BLM: variants seen among roughly 807,000 people sequenced by gnomAD.
BLM encodes BLM RecQ like helicase, also known as recQ-like DNA helicase BLM.
In BLM, 95 loss-of-function variants were observed where a neutral mutation model predicts 135.3. The ratio of observed to expected loss-of-function variants is 0.70; its 90% CI spans 0.59 to 0.83. The LOEUF (loss-of-function observed/expected upper bound fraction) is 0.83, where lower values mean the gene tolerates loss of function less well. BLM is among the 40% of genes least tolerant of loss of function. The pLI is 0.00. For missense variants in BLM, 1,518 were observed against 1,663.9 expected, an observed-to-expected ratio of 0.91 and a Z score of 1.53; for synonymous variants, 520 against 589.2, an observed-to-expected ratio of 0.88 and a Z score of 1.70.
chr15:90,728,072 C>T (rs1432455876), intron 1 of BLM, among the ~76,000 whole-genome samples: 1 of 152,132 alleles, frequency 6.6e-6, no homozygotes, highest in Non-Finnish European at 1.5e-5. Context: ...GGGTCTTGCT[C>T]TCTCACCCAG....
At chr15:90,762,914 A>G (rs942465625) in intron 7 of BLM, 52 bp from the exon 8 acceptor site, 80 of 1,515,048 alleles carry the variant, frequency 5.3e-5, no homozygotes, top group Non-Finnish European at 6.7e-5. Flanking sequence ...CTAAAGCTGT[A>G]CTTTCACTGT....
chr15:90,808,485 C>A (rs1897329222), intron 19 of BLM, among the ~76,000 whole-genome samples: 1 of 152,234 alleles, frequency 6.6e-6, no homozygotes, highest in Non-Finnish European at 1.5e-5. Context: ...CCTGCAATGG[C>A]TTCCACCAGG....
chr15:90,747,598 C>A, intron 2 of BLM, 108 bp downstream of exon 2: 1 of 767,124 alleles, frequency 1.3e-6, no homozygotes, highest in Non-Finnish European at 2.3e-6. Flanking sequence ...GGAAATGAAG[C>A]TGAGAGATTC....
chr15:90,815,791 T>C lies in BLM; in HGVS notation c.*512T>C, dbSNP rs2029901136. 6.2e-6 allele frequency: 1 copy of C among 160,144 alleles called. No individual in the cohort carries two copies. Among genetic ancestry groups the C allele is most frequent in the Non-Finnish European group, 1.4e-5 (1 of 73,578 alleles). 9.9% of individuals were successfully genotyped at this position (160,144 alleles called of 1,614,324 possible). A position where few individuals can be genotyped will look rare whatever the true frequency, so the allele number is the denominator to read the frequency against. On this transcript the variant is annotated 3_prime_UTR_variant, in exon 22 of 22. Coordinates refer to ENST00000355112, the MANE Select transcript of BLM (RefSeq NM_000057.4). The surrounding 1 kb of genome is among the most constrained non-coding windows in gnomAD (Gnocchi z 4.6). The stretch of plus-strand genomic sequence containing the variant: ...CTAGTCTCAGAAGAAGAAATACACA[T>C]GCTCATGGCCCGGCACTGTGGCTCA...
At chr15:90,742,605 TC>T (rs1474264318) in intron 1 of BLM, among the ~76,000 whole-genome samples, 2 of 151,992 alleles carry the variant, frequency 1.3e-5, no homozygotes, top group Admixed American at 1.3e-4. Flanking sequence ...TCTCTCTCTC[TC>T]TTTTTTTTTT....
chr15:90,723,187 TTGCCC>T (rs982158722), intron 1 of BLM, among the ~76,000 whole-genome samples: 1 of 152,106 alleles, frequency 6.6e-6, no homozygotes, highest in Non-Finnish European at 1.5e-5. Context: ...TCTTCATAGT[TTGCCC>T]TGATCTATAC....
In BLM at chr15:90,769,420, A is replaced by AT. The variant is rs747699258; in HGVS notation, c.2407-9dup. The AT allele has an allele frequency of 1.0e-4, 161 of 1,604,742 alleles. No individual in the cohort carries two copies. The highest frequency in any genetic ancestry group is 7.2e-4 in the Admixed American group (43 of 59,842). Reference sequence around the variant, plus strand: ...AGCTCCAAGTAGTCTGAAAAGCAGTATTTTTTTTTCCAACTAGTGGGGACA... The same window carrying AT: ...AGCTCCAAGTAGTCTGAAAAGCAGTATTTTTTTTTTCCAACTAGTGGGGACA... On this transcript the variant is annotated splice_polypyrimidine_tract_variant and intron_variant, in intron 11 of 21. Coordinates refer to ENST00000355112, the MANE Select transcript of BLM (RefSeq NM_000057.4).
At chr15:90,809,020 A>C in intron 19 of BLM, 117 bp from the exon 20 acceptor site, 1 of 1,453,334 alleles carries the variant, frequency 6.9e-7, no homozygotes, top group Non-Finnish European at 9.6e-7. Context: ...CTGTGTTCCC[A>C]GTACCCTGCA....
chr15:90,750,404 G>A (rs1192774733), intron 3 of BLM, among the ~76,000 whole-genome samples: 1 of 152,102 alleles, frequency 6.6e-6, no homozygotes, highest in Admixed American at 6.5e-5. Context: ...CTTCTCTTGC[G>A]CTTTGGGACC....
At chr15:90,800,723 AGT>A (rs1897145620) in intron 17 of BLM, among the ~76,000 whole-genome samples, 1 of 109,026 alleles carries the variant, frequency 9.2e-6, no homozygotes, top group Non-Finnish European at 2.2e-5. Flanking sequence ...GTAGAGAGAG[AGT>A]AAGAAAGGAA....
chr15:90,727,740 A>G (rs1273544172), intron 1 of BLM, among the ~76,000 whole-genome samples: 1 of 152,022 alleles, frequency 6.6e-6, no homozygotes, highest in Non-Finnish European at 1.5e-5. Context: ...TCCTACAGAC[A>G]CTACCTGATG....
At chr15:90,787,619 C>A (rs956612356) in intron 14 of BLM, among the ~76,000 whole-genome samples, 3 of 151,918 alleles carry the variant, frequency 2.0e-5, no homozygotes, top group Non-Finnish European at 4.4e-5. Context: ...TAACAACTTC[C>A]ATAAGATCAC....
In BLM at chr15:90,803,666, C is replaced by T. The variant is rs758199564; in HGVS notation, c.3504C>T (p.Ile1168=). The change falls in exon 18 of 22, where the codon ATC becomes ATT. Residue 1168 remains isoleucine, a synonymous_variant. Transcript: ENST00000355112. ...ATATCAATGCCAATGACCAGGCGAT[C>T]GCTTATGTGATGCTCGGAAATAAAG... ...DLYINANDQA[I]AYVMLGNKAQ... is the part of the protein sequence containing the mutation. 5.6e-6 allele frequency: 9 copies of T among 1,614,042 alleles called. No individual in the cohort carries two copies. Among genetic ancestry groups the T allele is most frequent in the South Asian group, 4.4e-5 (4 of 91,074 alleles).
rs1596273453 is a variant in BLM at position 90,811,224 on chromosome 15, G to C, written c.3894G>C (p.Gly1298=). ...TTGTAGCTGAAGACAGTTCCCCAGGGATAAGCCTGTCCAGCAGCAGAGGCC... is the reference window on the plus strand; with the variant it reads ...TTGTAGCTGAAGACAGTTCCCCAGGCATAAGCCTGTCCAGCAGCAGAGGCC... The part of the protein sequence containing the change: ...WTSPAEDSSP[G]ISLSSSRGPG... Residue 1298 remains glycine, a synonymous_variant, in exon 21 of 22, where the codon GGG becomes GGC. Coordinates refer to ENST00000355112, the MANE Select transcript of BLM (RefSeq NM_000057.4). 1 of 1,613,482 alleles carries C rather than the reference G, an allele frequency of 6.2e-7. No individual in the cohort carries two copies.
At chr15:90,784,838 T>C in intron 13 of BLM, 83 bp from the exon 14 acceptor site, 1 of 1,417,932 alleles carries the variant, frequency 7.1e-7, no homozygotes, top group Admixed American at 1.8e-5. Context: ...TTATGGTTCA[T>C]ATATTTCTGA....
chr15:90,738,081 C>T lies in BLM; in HGVS notation c.-4-9308C>T, dbSNP rs1308746822. The stretch of plus-strand genomic sequence containing the variant: ...AATGAAATGGATAAATTCCTCAAAA[C>T]ACATAACCACCAAGACAGAATCATG... On this transcript the variant is annotated intron_variant, in intron 1 of 21. Coordinates refer to ENST00000355112, the MANE Select transcript of BLM (RefSeq NM_000057.4). Among the ~76,000 whole-genome samples, 3 of 151,808 alleles carry T rather than the reference C, an allele frequency of 2.0e-5. 1 individual carries two copies. The East Asian group carries it at 5.8e-4, about 29-fold the overall frequency.
chr15:90,760,214 T>G lies in BLM; in HGVS notation c.1155T>G (p.Thr385=). The G allele has an allele frequency of 6.2e-7, 1 of 1,613,880 alleles. No individual in the cohort carries two copies. The highest frequency in any genetic ancestry group is 2.2e-5 in the East Asian group (1 of 44,874). ...VMEHICKLID[T]IPDDKLKLLD... Reference sequence around the variant, plus strand: ...AGCACATCTGTAAATTAATTGATACTATTCCTGATGATAAACTGAAACTTT... The same window carrying G: ...AGCACATCTGTAAATTAATTGATACGATTCCTGATGATAAACTGAAACTTT... The change falls in exon 6 of 22, where the codon ACT becomes ACG. Residue 385 remains threonine, a synonymous_variant. Transcript: ENST00000355112.
chr15:90,803,779 T>C (rs1212576020), intron 18 of BLM, 59 bp downstream of exon 18: 1 of 1,511,926 alleles, frequency 6.6e-7, no homozygotes, highest in African/African-American at 1.4e-5. Flanking sequence ...AAATATATTA[T>C]TGTGAAGTAT....
chr15:90,807,312 C>T (rs1046307689), intron 19 of BLM, among the ~76,000 whole-genome samples: 2 of 152,160 alleles, frequency 1.3e-5, no homozygotes, highest in South Asian at 2.1e-4. Context: ...TCTTAGGTCA[C>T]GTAAAGCACT....
Sources: gnomAD v4.1 joint callset for allele counts (sites outside exome capture counted in the v4.1 genomes callset) on GRCh38, gnomAD v4.1.1 for gene constraint, Gnocchi (gnomAD v3.1) non-coding constraint, MANE v1.5 for transcripts, NCBI Gene and HGNC (gene_info 2026-07-23, HGNC 2026-07-21) for gene names.